FGL1: variants seen among roughly 807,000 people sequenced by gnomAD.
FGL1 encodes fibrinogen like 1, also known as fibrinogen-like protein 1.
In FGL1, 59 loss-of-function variants were observed where a neutral mutation model predicts 43.7. The ratio of observed to expected loss-of-function variants is 1.35; its 90% CI spans 1.10 to 1.68. The LOEUF is 1.68. Ranked by LOEUF, FGL1 falls within the 40% of genes most tolerant of loss-of-function variation. The probability of loss-of-function intolerance (pLI) is 0.00; values close to 1 mark genes in which losing one functional copy is unlikely to be tolerated. For missense variants in FGL1, 596 were observed against 373.0 expected (o/e 1.60, Z -4.92); for synonymous variants, 192 against 126.5 (o/e 1.52, Z -3.48).
At chr8:17,884,155 A>T (rs926974254) in intron 2 of FGL1, among the ~76,000 whole-genome samples, 4 of 147,750 alleles carry the variant, frequency 2.7e-5, no homozygotes, top group Non-Finnish European at 6.0e-5. Flanking sequence ...AAGTCACAGA[A>T]CCTCTCCCAG....
intron 4 of FGL1, 120 bp downstream of exon 4, chr8:17,874,242 C>A (rs2053409160): frequency 7.3e-7 from 1 of 1,376,040 alleles, no homozygotes; most frequent in Admixed American, 2.1e-5. Context: ...TTTCAGTATT[C>A]TTCTTTAGAG....
chr8:17,870,562 T>C (rs2053342722), intron 5 of FGL1, among the ~76,000 whole-genome samples: 2 of 152,072 alleles, frequency 1.3e-5, no homozygotes, highest in South Asian at 4.1e-4. Flanking sequence ...CTAGGCCCCA[T>C]CTCTGGTTGG....
rs775490810 is a variant in FGL1 at position 17,885,475 on chromosome 8, T to G, written c.63+17A>C. On this transcript the variant is annotated intron_variant, in intron 2 of 7. Transcript: ENST00000427924. Reference sequence around the variant, plus strand: ...CAGGCATTATAAATATGACAATAGTTTTCCCAAGAAGCTTACCGAAATTTC... The same window carrying G: ...CAGGCATTATAAATATGACAATAGTGTTCCCAAGAAGCTTACCGAAATTTC... 2.5e-6 allele frequency: 4 copies of G among 1,590,750 alleles called. No individual in the cohort carries two copies. In the Admixed American group the frequency reaches 6.8e-5, roughly 27 times the overall value.
intron 4 of FGL1, 32 bp downstream of exon 4, chr8:17,874,330 A>G: frequency 6.3e-7 from 1 of 1,590,648 alleles, no homozygotes; most frequent in Non-Finnish European, 8.6e-7. Context: ...ATTTGCTGCT[A>G]CATATAAAGT....
intron 5 of FGL1, among the ~76,000 whole-genome samples, chr8:17,870,934 C>T (rs35270037): frequency 4.5e-4 from 61 of 135,098 alleles, no homozygotes; most frequent in African/African-American, 1.6e-3. Flanking sequence ...TTAGCCTCCC[C>T]TCAAGCTTAA....
chr8:17,868,963 T>G lies in FGL1; in HGVS notation c.544A>C (p.Asn182His). The G allele has an allele frequency of 1.9e-6, 3 of 1,606,314 alleles. No individual in the cohort carries two copies. Among genetic ancestry groups the G allele is most frequent in the Non-Finnish European group, 2.5e-6 (3 of 1,177,638 alleles). Reference sequence around the variant, plus strand: ...TTCTTATATTGTGCATAACGGCTATTTTTTTCAAAATCTGCAAGGTCGATT... The same window carrying G: ...TTCTTATATTGTGCATAACGGCTATGTTTTTCAAAATCTGCAAGGTCGATT... ...LKIDLADFEK[N>H]SRYAQYKNFK... The change falls in exon 6 of 8, where the codon AAT becomes CAT. Residue 182 changes from asparagine (N) to histidine (H), a missense_variant. Coordinates refer to ENST00000427924, the MANE Select transcript of FGL1 (RefSeq NM_004467.4).
rs868007777 is a variant in FGL1, at chr8:17,864,419, T to C, written c.*173A>G. 38 of 600,258 alleles carry C rather than the reference T, an allele frequency of 6.3e-5. No homozygotes were observed. The Middle Eastern group carries it at 1.4e-3, about 22-fold the overall frequency. 37.2% of individuals were successfully genotyped at this position (600,258 alleles called of 1,614,324 possible). On this transcript the variant is annotated 3_prime_UTR_variant, in exon 8 of 8. Transcript: ENST00000427924. ...ACACAGTCTACATTTATTTGGTGAA[T>C]ATTGCATATCTGCTGTACTGAAAGC...
chr8:17,883,511 A>C (rs980938672), intron 2 of FGL1, among the ~76,000 whole-genome samples: 1 of 114,702 alleles, frequency 8.7e-6, no homozygotes, highest in Non-Finnish European at 1.6e-5. Context: ...ATTTATATAT[A>C]ATATAATGTA....
At position 17,882,062 on chromosome 8, in the gene FGL1, G is replaced by A; in HGVS notation, c.181C>T (p.Gln61Ter). ...IKQLLQENEV[Q>*]FLDKGDENTV... ...TTCTCATCTCCTTTATCAAGGAACT[G>A]GACTTCATTCTCCTGCAAAAGCTGC... Residue 61 changes from glutamine to a stop codon, truncating the protein, a stop_gained, in exon 3 of 8, where the codon CAG (glutamine) becomes TAG (stop). Transcript: ENST00000427924. LOFTEE classifies it high-confidence loss of function. The A allele has an allele frequency of 6.2e-7, 1 of 1,613,996 alleles. No individual in the cohort carries two copies. Among genetic ancestry groups the A allele is most frequent in the Non-Finnish European group, 8.5e-7 (1 of 1,179,982 alleles).
rs1318261086 is a variant in FGL1, at chr8:17,885,515, G to C, written c.40C>G (p.Leu14Val). ...VFSFILVTTA[L>V]TMGREISALE... ...ACCGAAATTTCCCTGCCCATTGTCA[G>C]AGCGGTGGTAACAAGGATGAAACTG... The change falls in exon 2 of 8, where the codon CTG becomes GTG. Residue 14 changes from leucine (L) to valine (V), a missense_variant. Coordinates refer to ENST00000427924, the MANE Select transcript of FGL1 (RefSeq NM_004467.4). 5.0e-6 allele frequency: 8 copies of C among 1,613,538 alleles called. No individual in the cohort carries two copies. Among genetic ancestry groups the C allele is most frequent in the East Asian group, 2.2e-5 (1 of 44,890 alleles).
At chr8:17,874,154 C>G (rs780460701) in intron 4 of FGL1, 38 bp from the exon 5 acceptor site, 7 of 1,549,798 alleles carry the variant, frequency 4.5e-6, no homozygotes, top group Admixed American at 3.5e-5. Context: ...AGAGCAAACT[C>G]CATTTGTGGT....
At position 17,894,271 on chromosome 8, in the gene FGL1, G is replaced by T; in HGVS notation, c.-18+1176C>A. 1.4e-5 allele frequency among the ~76,000 whole-genome samples: 2 copies of T among 147,192 alleles called. 1 individual carries two copies. The highest frequency in any genetic ancestry group is 3.0e-5 in the Non-Finnish European group (2 of 67,718). On this transcript the variant is annotated intron_variant, in intron 1 of 7. Transcript: ENST00000427924. Reference sequence around the variant, plus strand: ...AGGAAGGAAAAAGTTATTGAACGAAGTATGTTTAATAAGTTAGCATTCACA... The same window carrying T: ...AGGAAGGAAAAAGTTATTGAACGAATTATGTTTAATAAGTTAGCATTCACA...
At position 17,878,685 on chromosome 8, in the gene FGL1, A is replaced by G. The variant is rs79735451; in HGVS notation, c.244+3314T>C. Reference sequence around the variant, plus strand: ...TGTGCCTAGTGCATTGTTTGCACAAATTGCTAGGTTGTATGTAATTGGGTG... The same window carrying G: ...TGTGCCTAGTGCATTGTTTGCACAAGTTGCTAGGTTGTATGTAATTGGGTG... On this transcript the variant is annotated intron_variant, in intron 3 of 7. Transcript: ENST00000427924. Among the ~76,000 whole-genome samples, 470 of 152,298 alleles carry G rather than the reference A, an allele frequency of 3.1e-3. 5 individuals are homozygous for G. The highest frequency in any genetic ancestry group is 9.9e-3 in the African/African-American group (413 of 41,568).
chr8:17,874,603 T>G, intron 3 of FGL1, 82 bp from the exon 4 acceptor site: 1 of 1,043,576 alleles, frequency 9.6e-7, no homozygotes, highest in Non-Finnish European at 1.4e-6. Flanking sequence ...ATGAGACTAC[T>G]CAGTATCACT....
Position 17,868,751 on chromosome 8 carries a change from A to G in FGL1, c.592-16T>C. On this transcript the variant is annotated splice_polypyrimidine_tract_variant and intron_variant, in intron 6 of 7. Transcript: ENST00000427924. ...CGTAGAAATTCTAAAGAAAAAGGGCATTTCTGCTGTCAGTGGAGTTCCTCT... is the reference window on the plus strand; with the variant it reads ...CGTAGAAATTCTAAAGAAAAAGGGCGTTTCTGCTGTCAGTGGAGTTCCTCT... 6.2e-7 allele frequency: 1 copy of G among 1,602,010 alleles called. No individual in the cohort carries two copies. Among genetic ancestry groups the G allele is most frequent in the Non-Finnish European group, 8.5e-7 (1 of 1,174,036 alleles).
chr8:17,872,373 G>C (rs1314533544), intron 5 of FGL1, among the ~76,000 whole-genome samples: 1 of 148,856 alleles, frequency 6.7e-6, no homozygotes, highest in Non-Finnish European at 1.5e-5. Flanking sequence ...CGCAATCTTG[G>C]CTCACTGCAA....
At chr8:17,883,829 G>C (rs57124971) in intron 2 of FGL1, among the ~76,000 whole-genome samples, 11,194 of 136,216 alleles carry the variant, frequency 0.082, 886 homozygotes, top group African/African-American at 0.21. Context: ...CTTCCCTTAC[G>C]TTTCCTTTCT....
intron 7 of FGL1, among the ~76,000 whole-genome samples, chr8:17,867,246 G>A (rs1013147518): frequency 1.4e-4 from 21 of 152,056 alleles, no homozygotes; most frequent in African/African-American, 4.3e-4. Context: ...AAACAGCTAC[G>A]AAGTGAGTAA....
intron 7 of FGL1, among the ~76,000 whole-genome samples, chr8:17,865,679 A>G (rs900808355): frequency 1.3e-5 from 2 of 152,220 alleles, no homozygotes; most frequent in Admixed American, 6.5e-5. Context: ...ATGTAACAGT[A>G]TGCAATAAGT....
Sources: allele counts gnomAD v4.1 joint callset (sites outside exome capture counted in the v4.1 genomes callset), GRCh38; gene constraint gnomAD v4.1.1; transcripts MANE v1.5; gene names NCBI Gene and HGNC (gene_info 2026-07-23, HGNC 2026-07-21).